Variants in RALGPS2 observed in about 807,000 individuals in gnomAD.
The protein encoded by RALGPS2 is Ral GEF with PH domain and SH3 binding motif 2, also known as ras-specific guanine nucleotide-releasing factor RalGPS2.
A neutral mutation model predicts 86.8 loss-of-function variants in RALGPS2; 43 were observed. The observed-to-expected ratio is 0.50, with a 90% CI of 0.39 to 0.64. The LOEUF is 0.64. RALGPS2 is among the 30% of genes least tolerant of loss of function. RALGPS2 has a pLI of 0.00. For synonymous variants in RALGPS2, 243 were observed against 231.3 expected (o/e 1.05, Z -0.46); for missense variants, 536 against 694.6 (o/e 0.77, Z 2.57).
In RALGPS2 at chr1:178,776,729, G is replaced by T. The variant is rs776740636; in HGVS notation, c.-36G>T. The T allele has an allele frequency of 2.6e-6, 4 of 1,547,150 alleles. No individual in the cohort carries two copies. On this transcript the variant is annotated 5_prime_UTR_variant, in exon 2 of 20. Coordinates refer to ENST00000367635, the MANE Select transcript of RALGPS2 (RefSeq NM_152663.5). ...GACATGAGGCAGTCAGTCCTCTGTTGCTGTTAACATAAGGTCAGGGACTGA... is the reference window on the plus strand; with the variant it reads ...GACATGAGGCAGTCAGTCCTCTGTTTCTGTTAACATAAGGTCAGGGACTGA...
Position 178,799,527 on chromosome 1 carries a change from G to C in RALGPS2, c.214-8518G>C, listed in dbSNP as rs1654367578. Among the ~76,000 whole-genome samples, 4 of 152,256 alleles carry C rather than the reference G, an allele frequency of 2.6e-5. No individual in the cohort carries two copies. In the South Asian group the frequency reaches 6.2e-4, roughly 24 times the overall value. On this transcript the variant is annotated intron_variant, in intron 4 of 19. Transcript: ENST00000367635. ...CTTACCTATAAAGCTGCTAAACCCT[G>C]AGTCTTGAAGGGAAAAGGTAAACAC...
intron 18 of RALGPS2, among the ~76,000 whole-genome samples, chr1:178,903,879 G>C (rs1660280483): frequency 6.6e-6 from 1 of 152,140 alleles, no homozygotes; most frequent in Admixed American, 6.5e-5. Flanking sequence ...TAGTGGGATT[G>C]CTGGATCAAA....
At chr1:178,860,724 T>C (rs749838492) in intron 8 of RALGPS2, among the ~76,000 whole-genome samples, 7 of 152,220 alleles carry the variant, frequency 4.6e-5, no homozygotes, top group Non-Finnish European at 1.0e-4. Context: ...TAAACACCTC[T>C]TAAAATATAC....
chr1:178,761,713 A>G (rs1297450874), intron 1 of RALGPS2, among the ~76,000 whole-genome samples: 1 of 151,966 alleles, frequency 6.6e-6, no homozygotes, highest in Non-Finnish European at 1.5e-5. Context: ...GGCACGCACC[A>G]TCACACCTGG....
intron 8 of RALGPS2, among the ~76,000 whole-genome samples, chr1:178,867,720 A>AT (rs1432304972): frequency 6.6e-6 from 1 of 151,994 alleles, no homozygotes; most frequent in Non-Finnish European, 1.5e-5. Flanking sequence ...CTGCCAGATC[A>AT]TTTTTTTACA....
intron 19 of RALGPS2, 120 bp downstream of exon 19, chr1:178,906,987 T>A: frequency 2.3e-6 from 2 of 854,382 alleles, no homozygotes; most frequent in South Asian, 3.3e-5. Flanking sequence ...GTTTTTATTC[T>A]TGTTGATTAC....
At chr1:178,855,947 A>G (rs1657506525) in intron 8 of RALGPS2, among the ~76,000 whole-genome samples, 1 of 148,788 alleles carries the variant, frequency 6.7e-6, no homozygotes, top group South Asian at 2.1e-4. Flanking sequence ...TATACATTTT[A>G]TATATAATAT....
intron 1 of RALGPS2, among the ~76,000 whole-genome samples, chr1:178,754,840 C>T (rs1651869979): frequency 6.6e-6 from 1 of 152,236 alleles, no homozygotes; most frequent in Admixed American, 6.5e-5. Context: ...CACTCTGTTG[C>T]CCAGGCTGGA....
chr1:178,906,947 T>C (rs1384165269), intron 19 of RALGPS2, 80 bp downstream of exon 19: 1 of 1,229,736 alleles, frequency 8.1e-7, no homozygotes, highest in Non-Finnish European at 1.2e-6. Context: ...GTAAACAGAC[T>C]AGTTCTGAAT....
chr1:178,913,421 G>C (rs545187056), intron 19 of RALGPS2, among the ~76,000 whole-genome samples: 1 of 152,190 alleles, frequency 6.6e-6, no homozygotes, highest in East Asian at 1.9e-4. Context: ...CTTAAACTGG[G>C]TTTCACTTTT....
At chr1:178,862,122 C>T (rs1658060026) in intron 8 of RALGPS2, among the ~76,000 whole-genome samples, 3 of 152,078 alleles carry the variant, frequency 2.0e-5, no homozygotes, top group Admixed American at 6.5e-5. Context: ...ATCCGTCTGC[C>T]TCGGCCTCCG....
chr1:178,736,258 G>A (rs1326514644), intron 1 of RALGPS2, among the ~76,000 whole-genome samples: 1 of 150,890 alleles, frequency 6.6e-6, no homozygotes, highest in East Asian at 1.9e-4. Flanking sequence ...CCGCCTCCTG[G>A]GTTCAAGATT....
intron 8 of RALGPS2, among the ~76,000 whole-genome samples, chr1:178,836,822 C>A (rs551179655): frequency 6.6e-6 from 1 of 151,920 alleles, no homozygotes; most frequent in African/African-American, 2.4e-5. Context: ...ACTCTGTCAT[C>A]CAGGCTGGTG....
intron 18 of RALGPS2, among the ~76,000 whole-genome samples, chr1:178,903,155 C>T (rs1660247198): frequency 6.6e-6 from 1 of 152,080 alleles, no homozygotes; most frequent in Non-Finnish European, 1.5e-5. Context: ...TACTATGTTA[C>T]CTTTTATTGA....
chr1:178,802,601 C>T (rs555196311), intron 4 of RALGPS2, among the ~76,000 whole-genome samples: 1 of 152,298 alleles, frequency 6.6e-6, no homozygotes, highest in East Asian at 1.9e-4. Flanking sequence ...AGGGAATACT[C>T]TCTACACTTA....
intron 4 of RALGPS2, among the ~76,000 whole-genome samples, chr1:178,806,783 ACT>A (rs1431066232): frequency 2.6e-5 from 4 of 151,080 alleles, no homozygotes; most frequent in African/African-American, 9.7e-5. Context: ...CTCTGCCCTA[ACT>A]CTATTTCCTC....
intron 14 of RALGPS2, among the ~76,000 whole-genome samples, chr1:178,891,835 T>A (rs1161581563): frequency 3.3e-5 from 5 of 152,078 alleles, no homozygotes; most frequent in Non-Finnish European, 7.4e-5. Context: ...AATGAATTAC[T>A]TATATAAATC....
At chr1:178,911,164 C>T (rs111617295) in intron 19 of RALGPS2, among the ~76,000 whole-genome samples, 2 of 152,082 alleles carry the variant, frequency 1.3e-5, no homozygotes, top group African/African-American at 4.8e-5. Flanking sequence ...GTTAATCTAG[C>T]TACCAGTCTA....
intron 4 of RALGPS2, among the ~76,000 whole-genome samples, chr1:178,788,841 C>CTTTCTTTCTTTTCTTTTCT (rs1183666679): frequency 2.8e-4 from 37 of 132,494 alleles, no homozygotes; most frequent in African/African-American, 7.9e-4. Flanking sequence ...TTCTTTCTTT[C>CTTTCTTTCTTTTCTTTTCT]TTTCTTTTCT....
Sources: gnomAD v4.1 joint callset for allele counts (sites outside exome capture counted in the v4.1 genomes callset) on GRCh38, gnomAD v4.1.1 for gene constraint, MANE v1.5 for transcripts, NCBI Gene and HGNC (gene_info 2026-07-23, HGNC 2026-07-21) for gene names.